The following DNAH8 variants were observed in gnomAD, a reference collection of about 807,000 sequenced individuals.
The protein encoded by DNAH8 is dynein axonemal heavy chain 8, also known as axonemal beta dynein heavy chain 8.
In DNAH8, 382 loss-of-function variants were observed where a neutral mutation model predicts 562.1. The observed-to-expected ratio is 0.68, with a 90% CI of 0.63 to 0.74. DNAH8 has a LOEUF of 0.74. Among genes scored for constraint, DNAH8 ranks in the 30% least tolerant of loss-of-function variants. DNAH8 has a pLI of 0.00. For synonymous variants in DNAH8, 1,881 were observed against 1,919.4 expected, an observed-to-expected ratio of 0.98 and a Z score of 0.52; for missense variants, 5,203 against 5,620.4, an observed-to-expected ratio of 0.93 and a Z score of 2.37.
chr6:39,027,931 C>A (rs997101482), intron 92 of DNAH8, among the ~76,000 whole-genome samples: 1 of 152,156 alleles, frequency 6.6e-6, no homozygotes, highest in African/African-American at 2.4e-5. Context: ...AAATCAGTCT[C>A]CCTTTCCCTT....
chr6:38,801,061 T>C (rs778063118), intron 21 of DNAH8, among the ~76,000 whole-genome samples: 22 of 152,218 alleles, frequency 1.4e-4, no homozygotes, highest in Non-Finnish European at 2.8e-4. Flanking sequence ...TGAAGTCTAA[T>C]TTATCAATTT....
chr6:38,992,654 A>G (rs547089022), intron 88 of DNAH8, among the ~76,000 whole-genome samples: 1 of 151,716 alleles, frequency 6.6e-6, no homozygotes, highest in South Asian at 2.1e-4. Context: ...CAGGATCCCA[A>G]CAAGATGAAA....
At chr6:38,841,124 A>C (rs1314783704) in intron 33 of DNAH8, among the ~76,000 whole-genome samples, 1 of 152,172 alleles carries the variant, frequency 6.6e-6, no homozygotes, top group Non-Finnish European at 1.5e-5. Context: ...CATGGTAATT[A>C]CAAGATAGAA....
chr6:38,963,260 T>C (rs1221359092), intron 82 of DNAH8, among the ~76,000 whole-genome samples: 2 of 52,364 alleles, frequency 3.8e-5, no homozygotes, highest in African/African-American at 2.7e-4. Context: ...TTTCTTTTTT[T>C]TTTTTTTTTT....
chr6:38,862,429 A>G lies in DNAH8; in HGVS notation c.6281A>G (p.Asp2094Gly). 6.2e-7 allele frequency: 1 copy of G among 1,613,548 alleles called. No individual in the cohort carries two copies. The highest frequency in any genetic ancestry group is 8.5e-7 in the Non-Finnish European group (1 of 1,179,734). ...VVVFNCSDQM[D>G]FRGLGRIFKG... ...GTGTTCAATTGCTCAGATCAAATGG[A>G]TTTCAGAGGCCTAGGAAGGATTTTC... is the stretch of plus-strand genomic sequence containing the variant. Residue 2094 changes from aspartate to glycine, a missense_variant, in exon 44 of 93, where the codon GAT becomes GGT. By Grantham distance (94) the Asp-to-Gly change is moderately conservative. Coordinates refer to ENST00000327475, the MANE Select transcript of DNAH8 (RefSeq NM_001206927.2).
In DNAH8 at chr6:38,923,994, T is replaced by G. The variant is rs116250863; in HGVS notation, c.10794T>G (p.Leu3598=). ...SKEFKAQINR[L]VGDILLCTGF... is the part of the protein sequence containing the mutation. ...GGGCTGTGTGTTTTCTTCACAGACT[T>G]GTAGGTGATATTCTGCTGTGCACGG... Residue 3598 remains leucine, a synonymous_variant, in exon 73 of 93, where the codon CTT becomes CTG. Coordinates refer to ENST00000327475, the MANE Select transcript of DNAH8 (RefSeq NM_001206927.2). The G allele has an allele frequency of 1.4e-4, 220 of 1,613,940 alleles. No homozygotes were observed. In the African/African-American group the frequency reaches 2.5e-3, roughly 19 times the overall value.
At chr6:38,804,785 G>GAGAGAGAGAGAA (rs1554215824) in intron 22 of DNAH8, among the ~76,000 whole-genome samples, 3 of 110,184 alleles carry the variant, frequency 2.7e-5, no homozygotes, top group African/African-American at 1.0e-4. Flanking sequence ...GAGAGAGAGA[G>GAGAGAGAGAGAA]AGAGAAAGAG....
chr6:38,828,326 C>T (rs777034847), intron 30 of DNAH8, 38 bp downstream of exon 30: 4 of 1,244,394 alleles, frequency 3.2e-6, no homozygotes. Flanking sequence ...TTTCTTAAGT[C>T]ACTATCTCCA....
At chr6:39,023,199 A>T (rs955032553) in intron 91 of DNAH8, among the ~76,000 whole-genome samples, 10 of 152,106 alleles carry the variant, frequency 6.6e-5, no homozygotes, top group African/African-American at 2.4e-4. Context: ...TATTAAAACT[A>T]AATTGTGCCA....
chr6:38,929,440 T>C, intron 74 of DNAH8, 71 bp from the exon 75 acceptor site: 2 of 1,395,174 alleles, frequency 1.4e-6, no homozygotes, highest in Non-Finnish European at 1.9e-6. Flanking sequence ...GTCCAACAAA[T>C]CTCTCGGTTT....
At chr6:38,877,846 A>G (rs1778147928) in intron 53 of DNAH8, among the ~76,000 whole-genome samples, 5 of 152,176 alleles carry the variant, frequency 3.3e-5, no homozygotes, top group Admixed American at 3.3e-4. Context: ...AATGTGTAAG[A>G]CGGTTTTTTT....
At chr6:38,779,884 A>G in intron 14 of DNAH8, 82 bp from the exon 15 acceptor site, 2 of 1,307,242 alleles carry the variant, frequency 1.5e-6, no homozygotes, top group Middle Eastern at 2.5e-4. Context: ...TGTCAAATGA[A>G]TGAATGGATG....
At chr6:38,784,984 A>C (rs1036191595) in intron 17 of DNAH8, among the ~76,000 whole-genome samples, 1 of 152,246 alleles carries the variant, frequency 6.6e-6, no homozygotes, top group Non-Finnish European at 1.5e-5. Context: ...TCAAGTTTTC[A>C]GAAGAGTTTG....
chr6:38,737,134 A>G lies in DNAH8; in HGVS notation c.830A>G (p.Asn277Ser). The change falls in exon 6 of 93, where the codon AAT becomes AGT. Residue 277 changes from asparagine to serine, a missense_variant. Coordinates refer to ENST00000327475, the MANE Select transcript of DNAH8 (RefSeq NM_001206927.2). ...LLNGIRDMLA[N>S]IFLPAVLATN... is the part of the protein sequence containing the mutation. ...AATGGAATTAGGGATATGTTGGCAA[A>G]TATATTTCTACCAGCTGTTCTTGCA... The G allele has an allele frequency of 6.3e-7, 1 of 1,587,244 alleles. No individual in the cohort carries two copies. The highest frequency in any genetic ancestry group is 8.6e-7 in the Non-Finnish European group (1 of 1,168,786).
chr6:38,848,209 C>T (rs1349749923), intron 36 of DNAH8, among the ~76,000 whole-genome samples: 1 of 152,046 alleles, frequency 6.6e-6, no homozygotes, highest in African/African-American at 2.4e-5. Context: ...AAGGAAAATC[C>T]CTGGATAGTG....
intron 82 of DNAH8, among the ~76,000 whole-genome samples, chr6:38,957,732 A>G (rs1762336469): frequency 6.6e-6 from 1 of 152,204 alleles, no homozygotes; most frequent in East Asian, 1.9e-4. Flanking sequence ...TGAATAACCA[A>G]TGAGTCAAAG....
chr6:38,776,010 T>C, intron 13 of DNAH8, 59 bp downstream of exon 13: 1 of 1,047,286 alleles, frequency 9.5e-7, no homozygotes, highest in East Asian at 2.4e-5. Context: ...TAGTACTATC[T>C]GGTACTTTTT....
intron 12 of DNAH8, among the ~76,000 whole-genome samples, chr6:38,771,544 C>T (rs1444888827): frequency 6.6e-6 from 1 of 152,138 alleles, no homozygotes; most frequent in Non-Finnish European, 1.5e-5. Flanking sequence ...ATCAGTCACA[C>T]CCCATTCTCT....
chr6:38,938,413 A>C (rs1783145593), intron 78 of DNAH8, among the ~76,000 whole-genome samples, 187 bp downstream of exon 78: 1 of 152,242 alleles, frequency 6.6e-6, no homozygotes, highest in South Asian at 2.1e-4. Flanking sequence ...TGCAGCCATA[A>C]AAAAGAATGA....
Sources: gnomAD v4.1 joint callset for allele counts (sites outside exome capture counted in the v4.1 genomes callset) on GRCh38, gnomAD v4.1.1 for gene constraint, MANE v1.5 for transcripts, NCBI Gene and HGNC (gene_info 2026-07-23, HGNC 2026-07-21) for gene names.